GNA14: variants seen among roughly 807,000 people sequenced by gnomAD.
GNA14 encodes G protein subunit alpha 14, also known as guanine nucleotide-binding protein subunit alpha-14.
In GNA14, 50 loss-of-function variants were observed where a neutral mutation model predicts 42.0. That is an observed-to-expected ratio of 1.19 (90% CI 0.95 to 1.51). The LOEUF (loss-of-function observed/expected upper bound fraction) is 1.51, where lower values mean the gene tolerates loss of function less well. Ranked by LOEUF, GNA14 falls within the 40% of genes most tolerant of loss-of-function variation. GNA14 has a pLI of 0.00. For synonymous variants in GNA14, 173 were observed against 163.1 expected, an observed-to-expected ratio of 1.06 and a Z score of -0.46; for missense variants, 473 against 446.2, an observed-to-expected ratio of 1.06 and a Z score of -0.54.
At chr9:77,576,442 G>A (rs1823129298) in intron 1 of GNA14, among the ~76,000 whole-genome samples, 2 of 152,232 alleles carry the variant, frequency 1.3e-5, no homozygotes, top group East Asian at 3.9e-4. Context: ...TTTCTAAGAA[G>A]ATAGAGTGAC....
chr9:77,475,591 A>G (rs1435042868), intron 2 of GNA14, among the ~76,000 whole-genome samples: 1 of 152,120 alleles, frequency 6.6e-6, no homozygotes, highest in Non-Finnish European at 1.5e-5. Flanking sequence ...AGGGTCTGAG[A>G]ACTGAGCATG....
intron 2 of GNA14, among the ~76,000 whole-genome samples, chr9:77,516,661 G>T (rs60632598): frequency 0.018 from 2,735 of 151,918 alleles, 73 homozygotes; most frequent in African/African-American, 0.062. Context: ...AGGAGGCGGA[G>T]GTTGCAGTAA....
At chr9:77,543,077 GA>G (rs1837679027) in intron 1 of GNA14, among the ~76,000 whole-genome samples, 1 of 152,254 alleles carries the variant, frequency 6.6e-6, no homozygotes, top group Non-Finnish European at 1.5e-5. Context: ...TGGTCCCACA[GA>G]AGCCTGCAGC....
chr9:77,544,384 G>T (rs1837694660), intron 1 of GNA14, among the ~76,000 whole-genome samples: 1 of 152,080 alleles, frequency 6.6e-6, no homozygotes, highest in Non-Finnish European at 1.5e-5. Flanking sequence ...GATTCTCTTA[G>T]AAGTACAACT....
At chr9:77,568,041 A>T (rs921448078) in intron 1 of GNA14, among the ~76,000 whole-genome samples, 1 of 152,186 alleles carries the variant, frequency 6.6e-6, no homozygotes, top group Admixed American at 6.5e-5. Context: ...CTAGAAAGAA[A>T]GAGGTGGGGT....
At chr9:77,457,972 G>A (rs1331174289) in intron 2 of GNA14, among the ~76,000 whole-genome samples, 1 of 151,632 alleles carries the variant, frequency 6.6e-6, no homozygotes, top group Non-Finnish European at 1.5e-5. Flanking sequence ...ACAAACATCT[G>A]GGTCACAGCT....
At chr9:77,616,925 G>A (rs1180013031) in intron 1 of GNA14, among the ~76,000 whole-genome samples, 382 of 147,528 alleles carry the variant, frequency 2.6e-3, no homozygotes, top group Non-Finnish European at 4.2e-3. Context: ...GCTGGAGTGT[G>A]GTGGCACGAT....
At chr9:77,560,477 T>C (rs1459017164) in intron 1 of GNA14, among the ~76,000 whole-genome samples, 4 of 151,832 alleles carry the variant, frequency 2.6e-5, no homozygotes, top group African/African-American at 9.7e-5. Context: ...TTTTGTTTGT[T>C]TGTTTGGTTG....
chr9:77,550,372 C>G (rs1163034509), intron 1 of GNA14, among the ~76,000 whole-genome samples: 1 of 152,168 alleles, frequency 6.6e-6, no homozygotes, highest in African/African-American at 2.4e-5. Context: ...CACCTTCACC[C>G]AGAGTTTTTA....
At chr9:77,641,423 A>AC (rs1328905626) in intron 1 of GNA14, among the ~76,000 whole-genome samples, 1 of 151,940 alleles carries the variant, frequency 6.6e-6, no homozygotes, top group Non-Finnish European at 1.5e-5. Flanking sequence ...TATCACCACC[A>AC]CAGAGGAGCA....
intron 2 of GNA14, among the ~76,000 whole-genome samples, chr9:77,515,666 T>C (rs1224877958): frequency 2.0e-5 from 3 of 152,164 alleles, no homozygotes; most frequent in Admixed American, 1.3e-4. Context: ...TCTTGAGGAA[T>C]TCAAGAGTGA....
chr9:77,546,980 T>C (rs941914535), intron 1 of GNA14, among the ~76,000 whole-genome samples: 4 of 152,196 alleles, frequency 2.6e-5, no homozygotes, highest in African/African-American at 7.2e-5. Context: ...CAGACAATAA[T>C]GTATATGGTC....
chr9:77,433,175 G>C (rs1835585802), intron 3 of GNA14, among the ~76,000 whole-genome samples: 1 of 152,130 alleles, frequency 6.6e-6, no homozygotes, highest in South Asian at 2.1e-4. Context: ...CTGCTCAGAG[G>C]GTGACAGTGG....
chr9:77,435,596 A>AT (rs1835629652), intron 2 of GNA14, among the ~76,000 whole-genome samples: 1 of 152,096 alleles, frequency 6.6e-6, no homozygotes, highest in Admixed American at 6.5e-5. Context: ...TTATTGCTCT[A>AT]TTACTACAGT....
At chr9:77,587,756 T>C (rs1365672282) in intron 1 of GNA14, among the ~76,000 whole-genome samples, 32 of 152,198 alleles carry the variant, frequency 2.1e-4, no homozygotes, top group Admixed American at 2.1e-3. Context: ...CTGAATTGTT[T>C]GCTTTAAAAT....
intron 2 of GNA14, among the ~76,000 whole-genome samples, chr9:77,490,081 G>A (rs147467765): frequency 0.036 from 5,437 of 149,148 alleles, 272 homozygotes; most frequent in African/African-American, 0.12. Flanking sequence ...ACAGAGTGTC[G>A]ATTGGTGCAC....
chr9:77,508,479 A>G (rs1447121748), intron 2 of GNA14, among the ~76,000 whole-genome samples: 2 of 152,298 alleles, frequency 1.3e-5, no homozygotes, highest in Admixed American at 1.3e-4. Flanking sequence ...GTCTGCATGC[A>G]TTTGTATGCA....
At chr9:77,622,093 A>T (rs955181180) in intron 1 of GNA14, among the ~76,000 whole-genome samples, 1 of 152,204 alleles carries the variant, frequency 6.6e-6, no homozygotes, top group African/African-American at 2.4e-5. Context: ...GCCAGGCCTA[A>T]TTTACTCTTA....
chr9:77,469,420 A>G (rs1836290638), intron 2 of GNA14, among the ~76,000 whole-genome samples: 1 of 150,262 alleles, frequency 6.7e-6, no homozygotes, highest in Non-Finnish European at 1.5e-5. Flanking sequence ...GTAAGAATCA[A>G]TTGTAGTTTT....
Sources: gnomAD v4.1 joint callset for allele counts (sites outside exome capture counted in the v4.1 genomes callset) on GRCh38, gnomAD v4.1.1 for gene constraint, MANE v1.5 for transcripts, NCBI Gene and HGNC (gene_info 2026-07-23, HGNC 2026-07-21) for gene names.